The following ZNF577 variants were observed in gnomAD, a reference collection of about 807,000 sequenced individuals.
ZNF577 encodes the protein zinc finger protein 577.
A neutral mutation model predicts 13.9 loss-of-function variants in ZNF577; 14 were observed. That is an observed-to-expected ratio of 1.00 (90% CI 0.66 to 1.57). The LOEUF (loss-of-function observed/expected upper bound fraction) is 1.57. Ranked by LOEUF, ZNF577 falls within the 40% of genes most tolerant of loss-of-function variation. The probability of loss-of-function intolerance (pLI) is 0.00; values close to 1 mark genes in which losing one functional copy is unlikely to be tolerated. For synonymous variants in ZNF577, 203 were observed against 202.9 expected (o/e 1.00, Z 0.00); for missense variants, 555 against 579.2 (o/e 0.96, Z 0.43).
At chr19:51,883,552 A>G (rs564171695) in intron 1 of ZNF577, among the ~76,000 whole-genome samples, 2 of 152,136 alleles carry the variant, frequency 1.3e-5, no homozygotes, top group African/African-American at 2.4e-5. Flanking sequence ...AGAATCCTTC[A>G]TGGATGGTGC....
chr19:51,883,277 T>C (rs1473610633), intron 1 of ZNF577, among the ~76,000 whole-genome samples: 1 of 151,846 alleles, frequency 6.6e-6, no homozygotes, highest in African/African-American at 2.4e-5. Flanking sequence ...AGGTGTGAGC[T>C]ACTGTGCCTG....
intron 5 of ZNF577, among the ~76,000 whole-genome samples, chr19:51,856,844 C>T (rs3752122): frequency 0.38 from 57,362 of 151,818 alleles, 11,961 homozygotes; most frequent in African/African-American, 0.55. Context: ...TATGAATGAG[C>T]AGGATAGAAC....
intron 5 of ZNF577, among the ~76,000 whole-genome samples, chr19:51,849,886 AGAAC>A (rs2084371279): frequency 6.6e-6 from 1 of 152,256 alleles, no homozygotes; most frequent in African/African-American, 2.4e-5. Flanking sequence ...CGTCAACAAA[AGAAC>A]AAACTACTGA....
chr19:51,860,731 C>T (rs2122600951), intron 5 of ZNF577: 2 of 252,008 alleles, frequency 7.9e-6, no homozygotes, highest in South Asian at 8.0e-5. Context: ...TACATGAAGG[C>T]TTTACCACAT....
At chr19:51,844,414 C>T (rs533228070) in intron 6 of ZNF577, among the ~76,000 whole-genome samples, 1 of 152,300 alleles carries the variant, frequency 6.6e-6, no homozygotes, top group Admixed American at 6.5e-5. Context: ...GAAATATTTA[C>T]TGATATCAAC....
In ZNF577 at chr19:51,880,406, C is replaced by CA. The variant is rs752417468; in HGVS notation, c.-19-6dup. 34 of 1,603,798 alleles carry CA rather than the reference C, an allele frequency of 2.1e-5. No homozygotes were observed. Among genetic ancestry groups the CA allele is most frequent in the Middle Eastern group, 1.7e-4 (1 of 6,024 alleles). ...ATGTGTTTCCTGTTATTTCAGCTGC[C>CA]AAAAAAAAGGAGACACAGTTTAAAG... On this transcript the variant is annotated splice_polypyrimidine_tract_variant and splice_region_variant and intron_variant, in intron 2 of 5. Coordinates refer to ENST00000638348, the MANE Select transcript of ZNF577 (RefSeq NM_001370449.1).
At chr19:51,874,448 CA>C (rs1340534584) in intron 5 of ZNF577, among the ~76,000 whole-genome samples, 1 of 150,772 alleles carries the variant, frequency 6.6e-6, no homozygotes, top group African/African-American at 2.5e-5. Context: ...AGGGAACAGC[CA>C]GTGTGAAAAC....
chr19:51,860,689 GT>G (rs2084487629), intron 5 of ZNF577: 1 of 202,912 alleles, frequency 4.9e-6, no homozygotes, highest in Non-Finnish European at 9.9e-6. Context: ...TACCACATGA[GT>G]TTGCTGATAT....
intron 5 of ZNF577, among the ~76,000 whole-genome samples, chr19:51,857,794 C>CT (rs1226724441): frequency 2.0e-5 from 3 of 152,090 alleles, no homozygotes; most frequent in Non-Finnish European, 4.4e-5. Flanking sequence ...ACACAAAACT[C>CT]TAAGAACCTA....
chr19:51,866,226 G>C (rs1002066522), downstream of ZNF577, among the ~76,000 whole-genome samples: 4 of 151,946 alleles, frequency 2.6e-5, no homozygotes, highest in African/African-American at 9.7e-5. Flanking sequence ...TCTATGAACA[G>C]CACAGAAATG....
chr19:51,880,680 T>C lies in ZNF577; in HGVS notation c.-21A>G, dbSNP rs1166584142. The C allele has an allele frequency of 4.8e-6, 2 of 416,758 alleles. No individual in the cohort carries two copies. Among genetic ancestry groups the C allele is most frequent in the African/African-American group, 2.0e-5 (1 of 49,358 alleles). 25.8% of individuals were successfully genotyped at this position (416,758 alleles called of 1,614,324 possible). On this transcript the variant is annotated splice_region_variant and 5_prime_UTR_variant, in exon 2 of 6. Coordinates refer to ENST00000638348, the MANE Select transcript of ZNF577 (RefSeq NM_001370449.1). ...CAAAATAGGTAAAACAAACCTCACC[T>C]GGGCCTTGCCCATTTCGTTCAACTC...
At chr19:51,860,661 G>A (rs981566055) in intron 5 of ZNF577, 5 of 174,648 alleles carry the variant, frequency 2.9e-5, no homozygotes, top group East Asian at 1.9e-4. Flanking sequence ...TCCACATTCC[G>A]TTTCAGAAGG....
chr19:51,841,061 A>G (rs2084317594), intron 8 of ZNF577: 1 of 152,156 alleles, frequency 6.6e-6, no homozygotes, highest in Non-Finnish European at 1.5e-5. Flanking sequence ...GAAGCCCCCC[A>G]CCATTTCACA....
chr19:51,813,119 A>AACACACACACACACACAC (rs35245083), intron 9 of ZNF577, among the ~76,000 whole-genome samples: 2 of 137,122 alleles, frequency 1.5e-5, no homozygotes, highest in Admixed American at 7.4e-5. Context: ...GCTCTGTCTC[A>AACACACACACACACACAC]ACACACACAC....
intron 9 of ZNF577, among the ~76,000 whole-genome samples, chr19:51,816,508 A>G (rs2084138228): frequency 6.6e-6 from 1 of 152,232 alleles, no homozygotes; most frequent in South Asian, 2.1e-4. Flanking sequence ...TCAGACTCTC[A>G]AAGTGCTGGG....
In ZNF577 at chr19:51,881,557, T is replaced by G. The variant is rs572695405; in HGVS notation, c.-218-680A>C. Among the ~76,000 whole-genome samples the G allele has an allele frequency of 5.9e-5, 9 of 152,328 alleles. No individual in the cohort carries two copies. In the South Asian group the frequency reaches 1.0e-3, roughly 18 times the overall value. Reference sequence around the variant, plus strand: ...TTGTGCAGGTTAACATTCTTCCTCATTAGTAGCATGGGAACTTGAATCTAC... The same window carrying G: ...TTGTGCAGGTTAACATTCTTCCTCAGTAGTAGCATGGGAACTTGAATCTAC... On this transcript the variant is annotated intron_variant, in intron 1 of 5. Coordinates refer to ENST00000638348, the MANE Select transcript of ZNF577 (RefSeq NM_001370449.1).
At position 51,867,241 on chromosome 19, in the gene ZNF577, T is replaced by C. The variant is rs2084578656; in HGVS notation, c.*5291A>G. Among the ~76,000 whole-genome samples the C allele has an allele frequency of 6.6e-6, 1 of 152,196 alleles. No homozygotes were observed. Among genetic ancestry groups the C allele is most frequent in the Admixed American group, 6.5e-5 (1 of 15,270 alleles). ...TTTGTCTTAAGCCTTGCAAAGTCATTGGAAAGAAAGGCAAAAGAAAGAAGC... is the reference window on the plus strand; with the variant it reads ...TTTGTCTTAAGCCTTGCAAAGTCATCGGAAAGAAAGGCAAAAGAAAGAAGC... On this transcript the variant is annotated 3_prime_UTR_variant, in exon 6 of 6. Coordinates refer to ENST00000638348, the MANE Select transcript of ZNF577 (RefSeq NM_001370449.1).
chr19:51,872,593 A>G lies in ZNF577; in HGVS notation c.1397T>C (p.Val466Ala). 1 of 1,613,486 alleles carries G rather than the reference A, an allele frequency of 6.2e-7. No individual in the cohort carries two copies. Among genetic ancestry groups the G allele is most frequent in the Non-Finnish European group, 8.5e-7 (1 of 1,179,778 alleles). Residue 466 changes from valine (V) to alanine (A), a missense_variant, in exon 6 of 6, where the codon GTG (valine) becomes GCG (alanine). Physicochemically the swap from Val to Ala is moderately conservative, Grantham distance 64. Transcript: ENST00000638348. ...FEQRISLTNE[V>A]NVAPSVINYI... Reference sequence around the variant, plus strand: ...ATTTATTACTGATGGGGCCACATTCACTTCATTTGTGAGGCTTATTCTCTG... The same window carrying G: ...ATTTATTACTGATGGGGCCACATTCGCTTCATTTGTGAGGCTTATTCTCTG...
At chr19:51,819,106 G>GC (rs1180002096) in intron 9 of ZNF577, among the ~76,000 whole-genome samples, 63 of 152,270 alleles carry the variant, frequency 4.1e-4, no homozygotes, top group African/African-American at 1.4e-3. Flanking sequence ...TGAAAGGTGA[G>GC]TTCTACATTT....
Sources: allele counts gnomAD v4.1 joint callset (sites outside exome capture counted in the v4.1 genomes callset), GRCh38; gene constraint gnomAD v4.1.1; transcripts MANE v1.5; gene names NCBI Gene and HGNC (gene_info 2026-07-23, HGNC 2026-07-21).